The following PTPN14 variants were observed in gnomAD, a reference collection of about 807,000 sequenced individuals.
PTPN14 encodes protein tyrosine phosphatase non-receptor type 14, also known as tyrosine-protein phosphatase non-receptor type 14.
A neutral mutation model predicts 126.8 loss-of-function variants in PTPN14; 53 were observed. The ratio of observed to expected loss-of-function variants is 0.42; its 90% confidence interval spans 0.34 to 0.53. PTPN14 has a LOEUF of 0.53. Ranked by LOEUF, PTPN14 falls within the 20% of genes least tolerant of loss-of-function variation. The probability of loss-of-function intolerance (pLI) is 0.08; values close to 1 mark genes in which losing one functional copy is unlikely to be tolerated. For missense variants in PTPN14, 1,257 were observed against 1,552.9 expected (o/e 0.81, Z 3.20); for synonymous variants, 630 against 599.3 (o/e 1.05, Z -0.75).
chr1:214,535,671 TAGGAGGTTGAGGC>T (rs1376364574), intron 1 of PTPN14, among the ~76,000 whole-genome samples: 3 of 151,708 alleles, frequency 2.0e-5, no homozygotes, highest in African/African-American at 7.3e-5. Flanking sequence ...CCCAGCTACT[TAGGAGGTTGAGGC>T]AGGAGAATTG....
intron 4 of PTPN14, among the ~76,000 whole-genome samples, chr1:214,412,881 T>C (rs1659340696): frequency 6.6e-6 from 1 of 152,176 alleles, no homozygotes; most frequent in African/African-American, 2.4e-5. Context: ...ATTTATTTAC[T>C]TTTTTAGAGA....
At chr1:214,453,491 C>T (rs1311051872) in intron 2 of PTPN14, among the ~76,000 whole-genome samples, 1 of 152,198 alleles carries the variant, frequency 6.6e-6, no homozygotes, top group Non-Finnish European at 1.5e-5. Context: ...ATGATGGTTA[C>T]AACTTTTGCC....
At chr1:214,487,045 T>A (rs1661130071) in intron 1 of PTPN14, among the ~76,000 whole-genome samples, 1 of 152,204 alleles carries the variant, frequency 6.6e-6, no homozygotes, top group African/African-American at 2.4e-5. Context: ...AAAATCTGTA[T>A]GCTTTTATAT....
At chr1:214,468,349 A>C (rs982906616) in intron 1 of PTPN14, among the ~76,000 whole-genome samples, 5 of 152,320 alleles carry the variant, frequency 3.3e-5, no homozygotes, top group African/African-American at 1.2e-4. Context: ...TGAGGTCAAG[A>C]GTTTGAGACC....
chr1:214,533,416 A>C, intron 1 of PTPN14: 1 of 417,904 alleles, frequency 2.4e-6, no homozygotes, highest in Non-Finnish European at 4.5e-6. Flanking sequence ...ACCTGCCGCA[A>C]AGTGAGTGGC....
At chr1:214,494,836 G>T (rs1200950392) in intron 1 of PTPN14, among the ~76,000 whole-genome samples, 1 of 152,172 alleles carries the variant, frequency 6.6e-6, no homozygotes, top group African/African-American at 2.4e-5. Context: ...CAAGGAAAAG[G>T]AAGACCAAAG....
chr1:214,424,447 T>G (rs1312059360), intron 3 of PTPN14, among the ~76,000 whole-genome samples: 3 of 152,064 alleles, frequency 2.0e-5, no homozygotes, highest in Admixed American at 1.3e-4. Context: ...ATATGAGAGA[T>G]AATTCGGAGA....
In PTPN14 at chr1:214,391,008, TG is replaced by T; in HGVS notation, c.966del (p.Thr323ProfsTer54). On this transcript the variant is annotated frameshift_variant, in exon 11 of 19. Transcript: ENST00000366956. LOFTEE classifies it high-confidence loss of function. ...SNSPPPIRRQ[P>X]TWSRSSLPRQ... Reference sequence around the variant, plus strand: ...CATACCAGAGAGGATCGGCTCCAGGTGGGCTGGCGTCTGATGGGGGGTGGAG... The same window carrying T: ...CATACCAGAGAGGATCGGCTCCAGGTGGCTGGCGTCTGATGGGGGGTGGAG... 1 of 1,585,882 alleles carries T rather than the reference TG, an allele frequency of 6.3e-7. No individual in the cohort carries two copies. Among genetic ancestry groups the T allele is most frequent in the East Asian group, 2.2e-5 (1 of 44,682 alleles).
In PTPN14 at chr1:214,352,876, GAAT is replaced by G. The variant is rs1393395465; in HGVS notation, c.*5043_*5045del. The G allele has an allele frequency of 3.3e-5, 5 of 152,188 alleles. No homozygotes were observed. Among genetic ancestry groups the G allele is most frequent in the African/African-American group, 1.2e-4 (5 of 41,444 alleles). 9.4% of individuals were successfully genotyped at this position (152,188 alleles called of 1,614,324 possible). A position where few individuals can be genotyped will look rare whatever the true frequency, so the allele number is the denominator to read the frequency against. ...GGCAATATAATAAAACACAGCAGCAGAATAATTGTTGGTAAAACATGGGAATGC... is the reference window on the plus strand; with the variant it reads ...GGCAATATAATAAAACACAGCAGCAGAATTGTTGGTAAAACATGGGAATGC... On this transcript the variant is annotated 3_prime_UTR_variant, in exon 19 of 19. Transcript: ENST00000366956.
intron 1 of PTPN14, among the ~76,000 whole-genome samples, chr1:214,515,754 T>C (rs1489398373): frequency 2.0e-5 from 3 of 152,134 alleles, no homozygotes; most frequent in African/African-American, 7.2e-5. Context: ...CATTCTCTAT[T>C]GCTAGCATAA....
At chr1:214,406,170 G>A (rs1003085291) in intron 5 of PTPN14, among the ~76,000 whole-genome samples, 4 of 152,142 alleles carry the variant, frequency 2.6e-5, no homozygotes, top group African/African-American at 4.8e-5. Context: ...AGACACATGC[G>A]GCTATGGTGC....
At chr1:214,395,222 T>G (rs927113209) in intron 8 of PTPN14, among the ~76,000 whole-genome samples, 33 of 152,252 alleles carry the variant, frequency 2.2e-4, no homozygotes, top group Non-Finnish European at 5.9e-5. Flanking sequence ...ATAGTTTTCT[T>G]TGTGACTAGC....
At chr1:214,434,343 T>C (rs1659864423) in intron 3 of PTPN14, among the ~76,000 whole-genome samples, 1 of 151,852 alleles carries the variant, frequency 6.6e-6, no homozygotes, top group African/African-American at 2.4e-5. Flanking sequence ...ATGTCTAACG[T>C]TGTCTAAAAG....
chr1:214,405,265 CT>C (rs1371719478), intron 5 of PTPN14, among the ~76,000 whole-genome samples: 1 of 152,202 alleles, frequency 6.6e-6, no homozygotes, highest in African/African-American at 2.4e-5. Context: ...ACCTCTTCCC[CT>C]TGTGCGTGTC....
chr1:214,520,065 A>AAAAAAATATATAT, intron 1 of PTPN14, among the ~76,000 whole-genome samples: 18 of 71,110 alleles, frequency 2.5e-4, no homozygotes, highest in African/African-American at 1.3e-3. Flanking sequence ...AAAAAAAAAA[A>AAAAAAATATATAT]ATATATATAT....
chr1:214,516,187 A>G (rs904543465), intron 1 of PTPN14, among the ~76,000 whole-genome samples: 2 of 152,208 alleles, frequency 1.3e-5, no homozygotes, highest in African/African-American at 4.8e-5. Context: ...TTAAAATAAA[A>G]CAAATTTTTG....
At chr1:214,500,742 T>C (rs1364064824) in intron 1 of PTPN14, among the ~76,000 whole-genome samples, 1 of 151,928 alleles carries the variant, frequency 6.6e-6, no homozygotes, top group Non-Finnish European at 1.5e-5. Flanking sequence ...AAGGTCTTCA[T>C]TAAAAAAGAA....
rs76520399 is a variant in PTPN14 at position 214,516,068 on chromosome 1, A to T, written c.-155+35115T>A. ...ACTCCTCTTTCGATAACATAAAAGCAGGAAGTACACCTCCACCTCACCCCA... is the reference window on the plus strand; with the variant it reads ...ACTCCTCTTTCGATAACATAAAAGCTGGAAGTACACCTCCACCTCACCCCA... On this transcript the variant is annotated intron_variant, in intron 1 of 18. Transcript: ENST00000366956. Among the ~76,000 whole-genome samples, 721 of 152,344 alleles carry T rather than the reference A, an allele frequency of 4.7e-3. 3 individuals carry two copies. Among genetic ancestry groups the T allele is most frequent in the African/African-American group, 0.016 (682 of 41,580 alleles).
At chr1:214,392,551 T>A (rs1337262486) in intron 10 of PTPN14, among the ~76,000 whole-genome samples, 1 of 151,886 alleles carries the variant, frequency 6.6e-6, no homozygotes, top group Non-Finnish European at 1.5e-5. Context: ...CCCCCAGAAG[T>A]CAAAGGCAAC....
Sources: allele counts gnomAD v4.1 joint callset (sites outside exome capture counted in the v4.1 genomes callset), GRCh38; gene constraint gnomAD v4.1.1; transcripts MANE v1.5; gene names NCBI Gene and HGNC (gene_info 2026-07-23, HGNC 2026-07-21).